WWOX: variants seen among roughly 807,000 people sequenced by gnomAD.
WWOX encodes the protein WW domain-containing oxidoreductase.
In WWOX, 69 loss-of-function variants were observed where a neutral mutation model predicts 46.2. That is an observed-to-expected ratio of 1.49 (90% CI 1.23 to 1.82). The LOEUF (loss-of-function observed/expected upper bound fraction) is 1.82. Ranked by LOEUF, WWOX falls within the 40% of genes most tolerant of loss-of-function variation. WWOX has a pLI of 0.00. For missense variants in WWOX, 919 were observed against 542.6 expected, an observed-to-expected ratio of 1.69 and a Z score of -6.89; for synonymous variants, 359 against 202.6, an observed-to-expected ratio of 1.77 and a Z score of -6.56.
chr16:78,462,120 A>C (rs2083965710), intron 8 of WWOX, among the ~76,000 whole-genome samples: 1 of 152,240 alleles, frequency 6.6e-6, no homozygotes, highest in Non-Finnish European at 1.5e-5. Flanking sequence ...AGGCAGGCTT[A>C]ACAAGTTCCT....
At chr16:78,802,944 AACAAAC>A (rs2050933484) in intron 8 of WWOX, among the ~76,000 whole-genome samples, 1 of 20,606 alleles carries the variant, frequency 4.9e-5, no homozygotes, top group African/African-American at 1.6e-4. Context: ...AAAAAAAAAC[AACAAAC>A]AGAAAAATGA....
intron 7 of WWOX, among the ~76,000 whole-genome samples, chr16:78,429,277 G>A (rs2083161301): frequency 6.6e-6 from 1 of 152,182 alleles, no homozygotes; most frequent in South Asian, 2.1e-4. Context: ...ATCTTGGAAG[G>A]CCAGTAATGT....
At chr16:78,801,748 G>A (rs1278759591) in intron 8 of WWOX, among the ~76,000 whole-genome samples, 1 of 152,134 alleles carries the variant, frequency 6.6e-6, no homozygotes, top group Non-Finnish European at 1.5e-5. Context: ...TCTCCTTAGT[G>A]TATATGGATT....
chr16:78,855,940 A>G (rs563854789), intron 8 of WWOX, among the ~76,000 whole-genome samples: 9 of 152,330 alleles, frequency 5.9e-5, no homozygotes, highest in South Asian at 2.1e-4. Context: ...GAACAAATCA[A>G]TCAAAATGAG....
chr16:78,990,718 A>AGGAG (rs139141755), intron 8 of WWOX, among the ~76,000 whole-genome samples: 3 of 151,768 alleles, frequency 2.0e-5, no homozygotes, highest in African/African-American at 7.3e-5. Context: ...GGAAGGAGGA[A>AGGAG]GGAGGGAGGG....
intron 8 of WWOX, among the ~76,000 whole-genome samples, chr16:78,654,247 T>C (rs2113120): frequency 0.86 from 131,191 of 152,180 alleles, 57,124 homozygotes; most frequent in Middle Eastern, 0.93. Context: ...GGTTTTCAGA[T>C]TCTTTATTGG....
intron 4 of WWOX, among the ~76,000 whole-genome samples, chr16:78,159,047 G>T (rs752277983): frequency 1.3e-5 from 2 of 151,954 alleles, no homozygotes; most frequent in African/African-American, 4.8e-5. Flanking sequence ...TCTGTGTCTG[G>T]CTTATTTCAC....
chr16:79,197,615 C>A lies in WWOX; in HGVS notation c.1057-13993C>A, dbSNP rs145006610. Reference sequence around the variant, plus strand: ...CATTTCATTAGATTCCTCACTGCCACAAACAGGTGGTTGTGGTGATAATCT... The same window carrying A: ...CATTTCATTAGATTCCTCACTGCCAAAAACAGGTGGTTGTGGTGATAATCT... On this transcript the variant is annotated intron_variant, in intron 8 of 8. Coordinates refer to ENST00000566780, the MANE Select transcript of WWOX (RefSeq NM_016373.4). Among the ~76,000 whole-genome samples, 723 of 152,322 alleles carry A rather than the reference C, an allele frequency of 4.7e-3. 4 individuals are homozygous for A. The highest frequency in any genetic ancestry group is 0.022 in the Admixed American group (344 of 15,300).
intron 8 of WWOX, among the ~76,000 whole-genome samples, chr16:78,956,974 T>G (rs2046180071): frequency 6.6e-6 from 1 of 152,206 alleles, no homozygotes; most frequent in Non-Finnish European, 1.5e-5. Flanking sequence ...GTGGGTATCT[T>G]CGGTGAGAAC....
chr16:78,338,748 A>G lies in WWOX; in HGVS notation c.517-48112A>G, dbSNP rs985866541. ...CATGTTTACAAGTTACCGCCTTTTTATTTCTTCTCTTTTTCTGTTTTCTTC... is the reference window on the plus strand; with the variant it reads ...CATGTTTACAAGTTACCGCCTTTTTGTTTCTTCTCTTTTTCTGTTTTCTTC... On this transcript the variant is annotated intron_variant, in intron 5 of 8. Coordinates refer to ENST00000566780, the MANE Select transcript of WWOX (RefSeq NM_016373.4). Among the ~76,000 whole-genome samples the G allele has an allele frequency of 2.5e-5, 3 of 119,626 alleles. 1 individual carries two copies. Among genetic ancestry groups the G allele is most frequent in the Admixed American group, 2.4e-4 (3 of 12,364 alleles). The allele number at this position is 119,626 out of a possible 152,430, so 78.5% of individuals were successfully genotyped here. A position where few individuals can be genotyped will look rare whatever the true frequency, so the allele number is the denominator to read the frequency against.
chr16:78,740,625 C>T (rs2049197878), intron 8 of WWOX, among the ~76,000 whole-genome samples: 1 of 152,136 alleles, frequency 6.6e-6, no homozygotes, highest in East Asian at 1.9e-4. Context: ...TCTCCTAGTG[C>T]TGGAAGGGGA....
intron 8 of WWOX, among the ~76,000 whole-genome samples, chr16:78,688,892 G>T (rs1041325873): frequency 5.9e-5 from 9 of 152,122 alleles, no homozygotes; most frequent in East Asian, 1.9e-4. Context: ...GTTCTCACAA[G>T]ATTTGATGGT....
intron 8 of WWOX, among the ~76,000 whole-genome samples, chr16:78,804,996 G>C (rs576146347): frequency 6.6e-6 from 1 of 152,316 alleles, no homozygotes; most frequent in South Asian, 2.1e-4. Flanking sequence ...GTTTCCATTT[G>C]TATTTGGGAA....
At chr16:78,785,494 A>G (rs999821036) in intron 8 of WWOX, among the ~76,000 whole-genome samples, 38 of 152,222 alleles carry the variant, frequency 2.5e-4, no homozygotes, top group African/African-American at 8.4e-4. Flanking sequence ...GCACCTATAC[A>G]TGTACACACA....
At chr16:78,922,415 G>A (rs914882905) in intron 8 of WWOX, among the ~76,000 whole-genome samples, 1 of 143,486 alleles carries the variant, frequency 7.0e-6, no homozygotes, top group Non-Finnish European at 1.5e-5. Context: ...CTCTCATTCT[G>A]TCGCTCAGGC....
intron 8 of WWOX, among the ~76,000 whole-genome samples, chr16:79,099,071 A>G (rs1597374626): frequency 1.3e-5 from 2 of 149,676 alleles, no homozygotes; most frequent in Admixed American, 1.3e-4. Context: ...CAGAGATCAC[A>G]TGGGCAGAGA....
intron 8 of WWOX, among the ~76,000 whole-genome samples, chr16:78,452,758 T>C (rs1312305618): frequency 6.6e-6 from 1 of 151,330 alleles, no homozygotes; most frequent in Admixed American, 6.6e-5. Flanking sequence ...ATTACAGGCA[T>C]GAACCACTGT....
At chr16:79,095,514 C>T (rs1013555108) in intron 8 of WWOX, among the ~76,000 whole-genome samples, 6 of 152,104 alleles carry the variant, frequency 3.9e-5, no homozygotes, top group Non-Finnish European at 7.3e-5. Flanking sequence ...GTCAGAATGT[C>T]CTCTTCAGAT....
chr16:78,872,382 G>A (rs1001862110), intron 8 of WWOX, among the ~76,000 whole-genome samples: 16 of 152,154 alleles, frequency 1.1e-4, no homozygotes, highest in African/African-American at 2.7e-4. Context: ...TATTACTAAC[G>A]TCATTATTAT....
Sources: allele counts gnomAD v4.1 joint callset (sites outside exome capture counted in the v4.1 genomes callset), GRCh38; gene constraint gnomAD v4.1.1; transcripts MANE v1.5; gene names NCBI Gene and HGNC (gene_info 2026-07-23, HGNC 2026-07-21).